Variants in PHACTR2 observed in about 807,000 individuals in gnomAD.
PHACTR2 encodes chromosome 6 open reading frame 56.
PHACTR2 carries 30 observed loss-of-function variants against 76.0 expected under a neutral mutation model. The observed-to-expected ratio is 0.39, with a 90% CI of 0.30 to 0.54. The LOEUF is 0.54. Among genes scored for constraint, PHACTR2 ranks in the 20% least tolerant of loss-of-function variants. The pLI is 0.61. For synonymous variants in PHACTR2, 292 were observed against 292.5 expected (o/e 1.00, Z 0.02); for missense variants, 696 against 781.1 (o/e 0.89, Z 1.30).
intron 1 of PHACTR2, among the ~76,000 whole-genome samples, chr6:143,636,199 G>A (rs984084023): frequency 1.4e-5 from 2 of 147,388 alleles, no homozygotes; most frequent in Non-Finnish European, 3.0e-5. Context: ...GGGTGACAGA[G>A]TCAGACCTGT....
chr6:143,663,440 T>C lies in PHACTR2; in HGVS notation c.14-48576T>C, dbSNP rs1281535810. Among the ~76,000 whole-genome samples, 1 of 152,202 alleles carries C rather than the reference T, an allele frequency of 6.6e-6. No individual in the cohort carries two copies. The highest frequency in any genetic ancestry group is 1.9e-4 in the East Asian group (1 of 5,204). Reference sequence around the variant, plus strand: ...GTGCCCTTGTTTTTATCATTTTGTTTTTTACTCTGTTCTTTTTTCTTTTCT... The same window carrying C: ...GTGCCCTTGTTTTTATCATTTTGTTCTTTACTCTGTTCTTTTTTCTTTTCT... On this transcript the variant is annotated intron_variant, in intron 1 of 11. Transcript: ENST00000305766. The surrounding 1 kb of genome is among the most constrained non-coding windows in gnomAD (Gnocchi z 4.1).
rs1168115042 is a variant in PHACTR2, at chr6:143,795,729, T to G, written c.1845+6819T>G. Among the ~76,000 whole-genome samples the G allele has an allele frequency of 6.6e-6, 1 of 152,262 alleles. No individual in the cohort carries two copies. The highest frequency in any genetic ancestry group is 6.5e-5 in the Admixed American group (1 of 15,288). ...TTGACTTGGCCACTTAGTAGTTGTT[T>G]GACCTTGGCCAAGTCATTTAACCTA... On this transcript the variant is annotated intron_variant, in intron 11 of 12. Coordinates refer to ENST00000440869, the MANE Select transcript of PHACTR2 (RefSeq NM_001100164.2). The surrounding 1 kb of genome is among the most constrained non-coding windows in gnomAD (Gnocchi z 4.8).
rs543853127 is a variant in PHACTR2, at chr6:143,710,614, T to C, written c.47-1402T>C. Reference sequence around the variant, plus strand: ...TGGGAGGCTGAGGCAGGAGAATTGCTTGAACCAAGGAGGCGGTGGTTGCAG... The same window carrying C: ...TGGGAGGCTGAGGCAGGAGAATTGCCTGAACCAAGGAGGCGGTGGTTGCAG... On this transcript the variant is annotated intron_variant, in intron 1 of 12. Coordinates refer to ENST00000440869, the MANE Select transcript of PHACTR2 (RefSeq NM_001100164.2). This position sits in a 1 kb window ranked among gnomAD's most constrained non-coding sequence, Gnocchi z 4.9. 1.2e-4 allele frequency among the ~76,000 whole-genome samples: 18 copies of C among 152,194 alleles called. No homozygotes were observed. The highest frequency in any genetic ancestry group is 2.6e-4 in the Non-Finnish European group (18 of 68,030).
chr6:143,606,565 G>A (rs753747260), upstream of PHACTR2, among the ~76,000 whole-genome samples: 8 of 152,072 alleles, frequency 5.3e-5, no homozygotes, highest in Non-Finnish European at 7.4e-5. Context: ...AGACTTCTTA[G>A]CTACTCCTTA....
chr6:143,667,783 G>A (rs539408280), intron 1 of PHACTR2, among the ~76,000 whole-genome samples: 64 of 152,308 alleles, frequency 4.2e-4, no homozygotes, highest in Middle Eastern at 3.4e-3. Flanking sequence ...GGGCTGAGAC[G>A]ATGGAGTTTT....
In PHACTR2 at chr6:143,782,018, C is replaced by G. The variant is rs9390136; in HGVS notation, c.1646-1201C>G. Reference sequence around the variant, plus strand: ...TAGCCTGTTCAACTAACAAATACAGCTGTTGCAAATATTGAATACTGATAT... The same window carrying G: ...TAGCCTGTTCAACTAACAAATACAGGTGTTGCAAATATTGAATACTGATAT... On this transcript the variant is annotated intron_variant, in intron 9 of 12. Coordinates refer to ENST00000440869, the MANE Select transcript of PHACTR2 (RefSeq NM_001100164.2). This position sits in a 1 kb window ranked among gnomAD's most constrained non-coding sequence, Gnocchi z 4.6. Among the ~76,000 whole-genome samples the G allele has an allele frequency of 0.56, 85,849 of 151,996 alleles. 25,101 individuals are homozygous for G. Among genetic ancestry groups the G allele is most frequent in the South Asian group, 0.68 (3,266 of 4,818 alleles).
chr6:143,536,894 C>T lies in PHACTR2; in HGVS notation c.-97C>T, dbSNP rs1191558377. The T allele has an allele frequency of 6.6e-6, 1 of 152,656 alleles. No individual in the cohort carries two copies. Among genetic ancestry groups the T allele is most frequent in the East Asian group, 1.9e-4 (1 of 5,174 alleles). 9.5% of individuals were successfully genotyped at this position (152,656 alleles called of 1,614,324 possible). On this transcript the variant is annotated 5_prime_UTR_variant, in exon 1 of 12. Coordinates refer to the PHACTR2 transcript ENST00000367584. This position sits in a 1 kb window ranked among gnomAD's most constrained non-coding sequence, Gnocchi z 5.4. ...CACCTCCCCGCCCTTCTCGCTGCCT[C>T]CGGGTCGCGGCGCGCGGGGCAGAGC...
chr6:143,783,271 C>T lies in PHACTR2; in HGVS notation c.1698C>T (p.Leu566=), dbSNP rs1468799317. ...QEAKMELKRR[L]SRKLSLRPTV... The stretch of plus-strand genomic sequence containing the variant: ...CAAAAATGGAACTTAAACGCAGACT[C>T]AGCAGAAAGGTAATGAAATCATAAC... Residue 566 remains leucine (L), a synonymous_variant, in exon 10 of 13, where the codon CTC becomes CTT. Transcript: ENST00000440869. This position sits in a 1 kb window ranked among gnomAD's most constrained non-coding sequence, Gnocchi z 5.2. 1.2e-6 allele frequency: 2 copies of T among 1,601,698 alleles called. No individual in the cohort carries two copies. Among genetic ancestry groups the T allele is most frequent in the African/African-American group, 2.7e-5 (2 of 74,590 alleles).
intron 11 of PHACTR2, among the ~76,000 whole-genome samples, chr6:143,802,981 A>G (rs202174402): frequency 2.0e-5 from 3 of 152,272 alleles, no homozygotes; most frequent in East Asian, 1.9e-4. Context: ...TTGCCATATC[A>G]TTCACATAAC....
chr6:143,811,501 C>G lies in PHACTR2; in HGVS notation c.1922+4368C>G, dbSNP rs1055925567. 6.6e-6 allele frequency among the ~76,000 whole-genome samples: 1 copy of G among 151,992 alleles called. No individual in the cohort carries two copies. Among genetic ancestry groups the G allele is most frequent in the Non-Finnish European group, 1.5e-5 (1 of 67,990 alleles). ...AAACAGATGCAAATATATAAGCTTT[C>G]AGGGAGAGTAACAGCTAATATCAAG... On this transcript the variant is annotated intron_variant, in intron 12 of 12. Transcript: ENST00000440869. This position sits in a 1 kb window ranked among gnomAD's most constrained non-coding sequence, Gnocchi z 4.1.
In PHACTR2 at chr6:143,767,382, AG is replaced by A. The variant is rs1290916160; in HGVS notation, c.1232+1585del. Among the ~76,000 whole-genome samples the A allele has an allele frequency of 2.0e-5, 3 of 152,166 alleles. No individual in the cohort carries two copies. The highest frequency in any genetic ancestry group is 4.4e-5 in the Non-Finnish European group (3 of 68,028). On this transcript the variant is annotated intron_variant, in intron 6 of 12. Transcript: ENST00000440869. This position sits in a 1 kb window ranked among gnomAD's most constrained non-coding sequence, Gnocchi z 4.4. ...CTGTTAGTTTCTTTGGGTTTTTTTA[AG>A]TCATTTTGAGCACCAATATTTGAAG...
In PHACTR2 at chr6:143,793,785, C is replaced by T. The variant is rs539154876; in HGVS notation, c.1845+4875C>T. Among the ~76,000 whole-genome samples, 29 of 151,976 alleles carry T rather than the reference C, an allele frequency of 1.9e-4. No individual in the cohort carries two copies. Among genetic ancestry groups the T allele is most frequent in the African/African-American group, 6.3e-4 (26 of 41,450 alleles). Reference sequence around the variant, plus strand: ...ACAAAAAATTAGCCGGGTGTGGTGGCGCGTACCTGTAGTCCCAGCTACTCG... The same window carrying T: ...ACAAAAAATTAGCCGGGTGTGGTGGTGCGTACCTGTAGTCCCAGCTACTCG... On this transcript the variant is annotated intron_variant, in intron 11 of 12. Transcript: ENST00000440869. The surrounding 1 kb of genome is among the most constrained non-coding windows in gnomAD (Gnocchi z 4.4).
Position 143,608,296 on chromosome 6 carries a change from G to A in PHACTR2, c.-14G>A, listed in dbSNP as rs375680963. 2.1e-5 allele frequency: 34 copies of A among 1,613,948 alleles called. No individual in the cohort carries two copies. Among genetic ancestry groups the A allele is most frequent in the South Asian group, 3.3e-5 (3 of 91,072 alleles). On this transcript the variant is annotated 5_prime_UTR_variant, in exon 1 of 12. Coordinates refer to the PHACTR2 transcript ENST00000305766. This position sits in a 1 kb window ranked among gnomAD's most constrained non-coding sequence, Gnocchi z 4.6. ...GCTGCCAGGCTACAGAACTCGCCTCGCCACTCCTGAGACATGGACAACGCC... is the reference window on the plus strand; with the variant it reads ...GCTGCCAGGCTACAGAACTCGCCTCACCACTCCTGAGACATGGACAACGCC...
At chr6:143,810,771 G>A (rs556824350) in intron 12 of PHACTR2, among the ~76,000 whole-genome samples, 1 of 151,892 alleles carries the variant, frequency 6.6e-6, no homozygotes, top group Non-Finnish European at 1.5e-5. Context: ...AATGGAGGCT[G>A]CAGTGAGGCA....
chr6:143,703,353 T>C (rs191808099), intron 1 of PHACTR2, among the ~76,000 whole-genome samples: 97 of 152,266 alleles, frequency 6.4e-4, no homozygotes, highest in African/African-American at 2.0e-3. Flanking sequence ...ACATTCTGTC[T>C]GTATGCCTCG....
At position 143,610,145 on chromosome 6, in the gene PHACTR2, G is replaced by T. The variant is rs1775953168; in HGVS notation, c.13+1823G>T. Among the ~76,000 whole-genome samples, 1 of 152,112 alleles carries T rather than the reference G, an allele frequency of 6.6e-6. No individual in the cohort carries two copies. The highest frequency in any genetic ancestry group is 2.4e-5 in the African/African-American group (1 of 41,392). On this transcript the variant is annotated intron_variant, in intron 1 of 11. Coordinates refer to the PHACTR2 transcript ENST00000305766. This position sits in a 1 kb window ranked among gnomAD's most constrained non-coding sequence, Gnocchi z 4.9. The stretch of plus-strand genomic sequence containing the variant: ...TAATGGCTTATAATTGGCTGTCAGT[G>T]ATCACTTTTCATGGTAATTTTTTGA...
At chr6:143,665,396 G>A (rs563170722) in intron 1 of PHACTR2, among the ~76,000 whole-genome samples, 5 of 152,148 alleles carry the variant, frequency 3.3e-5, no homozygotes, top group Admixed American at 2.0e-4. Flanking sequence ...TTCCCTTGGC[G>A]ACACATGGGA....
At position 143,733,672 on chromosome 6, in the gene PHACTR2, C is replaced by G. The variant is rs1778756767; in HGVS notation, c.215-15313C>G. Among the ~76,000 whole-genome samples the G allele has an allele frequency of 1.3e-5, 2 of 152,114 alleles. No homozygotes were observed. Among genetic ancestry groups the G allele is most frequent in the Non-Finnish European group, 1.5e-5 (1 of 68,036 alleles). On this transcript the variant is annotated intron_variant, in intron 2 of 12. Transcript: ENST00000440869. This position sits in a 1 kb window ranked among gnomAD's most constrained non-coding sequence, Gnocchi z 4.0. The stretch of plus-strand genomic sequence containing the variant: ...AGTGGGTAGGGTGGGGAGCTATTCT[C>G]TCATGAATGGATAATGACCTTAAGT...
chr6:143,719,221 T>C (rs975313895), intron 2 of PHACTR2, among the ~76,000 whole-genome samples: 1 of 149,088 alleles, frequency 6.7e-6, no homozygotes, highest in African/African-American at 2.5e-5. Context: ...TCACATCATA[T>C]TGGAGGAAGA....
Sources: allele counts gnomAD v4.1 joint callset (sites outside exome capture counted in the v4.1 genomes callset), GRCh38; gene constraint gnomAD v4.1.1; non-coding constraint Gnocchi (gnomAD v3.1); transcripts MANE v1.5; gene names NCBI Gene and HGNC (gene_info 2026-07-23, HGNC 2026-07-21).